Variants in ANKMY1 observed in about 807,000 individuals in gnomAD.
ANKMY1 encodes ankyrin repeat and MYND domain-containing protein 1.
In ANKMY1, 98 loss-of-function variants were observed where a neutral mutation model predicts 102.0. That is an observed-to-expected ratio of 0.96 (90% CI 0.82 to 1.14). The LOEUF is 1.14. Among genes scored for constraint, ANKMY1 ranks in the 50% most tolerant of loss-of-function variants. The pLI is 0.00. For missense variants in ANKMY1, 1,330 were observed against 1,347.6 expected, an observed-to-expected ratio of 0.99 and a Z score of 0.20; for synonymous variants, 582 against 559.9, an observed-to-expected ratio of 1.04 and a Z score of -0.56.
chr2:240,491,662 T>C (rs2076670568), intron 15 of ANKMY1, among the ~76,000 whole-genome samples: 2 of 152,230 alleles, frequency 1.3e-5, no homozygotes, highest in South Asian at 4.1e-4. Context: ...CCTTCATTTA[T>C]GAAAGATAAT....
chr2:240,536,678 A>G (rs2086837608), intron 4 of ANKMY1, among the ~76,000 whole-genome samples: 1 of 152,254 alleles, frequency 6.6e-6, no homozygotes, highest in Non-Finnish European at 1.5e-5. Flanking sequence ...TCTTCTCTAC[A>G]AGAAAATATT....
chr2:240,529,217 T>G lies in ANKMY1; in HGVS notation c.773A>C (p.Glu258Ala), dbSNP rs755642743. 10 of 1,614,092 alleles carry G rather than the reference T, an allele frequency of 6.2e-6. No individual in the cohort carries two copies. Among genetic ancestry groups the G allele is most frequent in the Non-Finnish European group, 8.5e-6 (10 of 1,180,038 alleles). The change falls in exon 5 of 18, where the codon GAA (glutamate) becomes GCA (alanine). Residue 258 changes from glutamate to alanine, a missense_variant. Physicochemically the swap from Glu to Ala is moderately radical, Grantham distance 107. Coordinates refer to ENST00000401804, the MANE Select transcript of ANKMY1 (RefSeq NM_001282771.3). The surrounding 1 kb of genome is among the most constrained non-coding windows in gnomAD (Gnocchi z 4.2). ...LLNDNLTLPPEMYVYSTNSDH... is the reference protein window; with the variant it reads ...LLNDNLTLPPAMYVYSTNSDH... Reference sequence around the variant, plus strand: ...ACTGTTGGTCGAGTAGACATACATTTCTGGAGGCAGCGTTAGGTTGTCATT... The same window carrying G: ...ACTGTTGGTCGAGTAGACATACATTGCTGGAGGCAGCGTTAGGTTGTCATT...
At chr2:240,512,291 C>T (rs1215816937) in intron 10 of ANKMY1, among the ~76,000 whole-genome samples, 1 of 152,224 alleles carries the variant, frequency 6.6e-6, no homozygotes, top group African/African-American at 2.4e-5. Flanking sequence ...CGCTCAATGG[C>T]TCCTGCTGTG....
At chr2:240,474,211 T>A in the ANKMY1 span, among the ~76,000 whole-genome samples, 1 of 149,576 alleles carries the variant, frequency 6.7e-6, no homozygotes, top group South Asian at 2.1e-4. Flanking sequence ...TTCTCCTGCC[T>A]CAGCCTCCTG....
chr2:240,509,429 A>G lies in ANKMY1; in HGVS notation c.2313T>C (p.Leu771=), dbSNP rs1368909310. 6.2e-7 allele frequency: 1 copy of G among 1,613,340 alleles called. No homozygotes were observed. The highest frequency in any genetic ancestry group is 1.3e-5 in the African/African-American group (1 of 74,872). ...NKCARDIVRL[L]LSHGANPNLL... ...GGTTAGGATTTGCTCCGTGGGATAG[A>G]AGGAGCCGGACTATGTCCCTGGCAC... The change falls in exon 12 of 18, where the codon CTT becomes CTC. Residue 771 remains leucine (L), a synonymous_variant. Transcript: ENST00000401804.
chr2:240,471,739 G>A, the ANKMY1 span, among the ~76,000 whole-genome samples: 1 of 152,200 alleles, frequency 6.6e-6, no homozygotes, highest in Non-Finnish European at 1.5e-5. Flanking sequence ...GACTCTGGTA[G>A]GAGGCTGGGA....
At chr2:240,546,297 G>A (rs1249318601) in intron 4 of ANKMY1, among the ~76,000 whole-genome samples, 1 of 150,922 alleles carries the variant, frequency 6.6e-6, no homozygotes, top group African/African-American at 2.4e-5. Context: ...ATACTTTACA[G>A]ACAAGCAAAT....
Position 240,543,539 on chromosome 2 carries a change from G to C in ANKMY1, c.480+9375C>G, listed in dbSNP as rs115798660. On this transcript the variant is annotated intron_variant, in intron 4 of 17. Coordinates refer to ENST00000401804, the MANE Select transcript of ANKMY1 (RefSeq NM_001282771.3). ...TATCTTTCTGTGAATTTTTTGATAA[G>C]TACGACTAATTTAATGTTGTTACTT... Among the ~76,000 whole-genome samples, 1,394 of 152,114 alleles carry C rather than the reference G, an allele frequency of 9.2e-3. 12 individuals carry two copies. The highest frequency in any genetic ancestry group is 0.032 in the African/African-American group (1,328 of 41,508).
chr2:240,524,133 CT>C lies in ANKMY1; in HGVS notation c.1583del (p.Lys528ArgfsTer58). ...CGCTTTCCACATGGCCAAGGCTGCC[CT>C]TCACCAACGGGGAGTCCCCCTTCAG... is the stretch of plus-strand genomic sequence containing the variant. Reference protein sequence around the residue: ...SSLKGDSPLVKGSLGHVESGL... With the variant: ...SSLKGDSPLVXGSLGHVESGL... On this transcript the variant is annotated frameshift_variant, in exon 8 of 18. Transcript: ENST00000401804. LOFTEE classifies it high-confidence loss of function. The C allele has an allele frequency of 6.2e-7, 1 of 1,614,056 alleles. No homozygotes were observed.
At chr2:240,517,777 G>A (rs1200709667) in intron 9 of ANKMY1, among the ~76,000 whole-genome samples, 1 of 152,156 alleles carries the variant, frequency 6.6e-6, no homozygotes, top group African/African-American at 2.4e-5. Context: ...CTGCACTGCA[G>A]CCTAGGTGAC....
intron 4 of ANKMY1, among the ~76,000 whole-genome samples, chr2:240,530,757 T>C (rs1004795238): frequency 5.3e-5 from 8 of 151,900 alleles, no homozygotes; most frequent in Non-Finnish European, 1.0e-4. Flanking sequence ...CACAAAAAAA[T>C]TTACAAATTG....
chr2:240,480,916 C>A, intron 17 of ANKMY1, 21 bp downstream of exon 17: 1 of 1,597,238 alleles, frequency 6.3e-7, no homozygotes. Flanking sequence ...CCCTTGCCTC[C>A]CAGCCTGAGG....
the ANKMY1 span, among the ~76,000 whole-genome samples, chr2:240,468,947 T>C: frequency 6.6e-6 from 1 of 152,164 alleles, no homozygotes; most frequent in Admixed American, 6.5e-5. Context: ...CGGTCCTCAC[T>C]TGCAGGCCCC....
chr2:240,553,740 CA>C (rs2091921220), intron 3 of ANKMY1: 1 of 152,200 alleles, frequency 6.6e-6, no homozygotes, highest in Non-Finnish European at 1.5e-5. Context: ...ACTAAAAATA[CA>C]AAAATTAGCT....
At chr2:240,518,004 T>C (rs760068866) in intron 9 of ANKMY1, among the ~76,000 whole-genome samples, 17 of 151,976 alleles carry the variant, frequency 1.1e-4, no homozygotes, top group Non-Finnish European at 2.1e-4. Context: ...GGGACACCCA[T>C]GGTGTGCAGC....
chr2:240,470,806 T>A, the ANKMY1 span, among the ~76,000 whole-genome samples: 2 of 152,262 alleles, frequency 1.3e-5, no homozygotes, highest in South Asian at 4.2e-4. Context: ...ACGTTGAAAT[T>A]CTGGAAAAAG....
At chr2:240,478,949 C>T (rs527279249), downstream of ANKMY1, among the ~76,000 whole-genome samples, 18 of 152,268 alleles carry the variant, frequency 1.2e-4, no homozygotes, top group Admixed American at 4.6e-4. Context: ...CCCCTCACTG[C>T]GCATCTTCCC....
chr2:240,522,756 T>G (rs988287700), intron 8 of ANKMY1: 10 of 152,186 alleles, frequency 6.6e-5, no homozygotes, highest in African/African-American at 2.4e-4. Flanking sequence ...TGTCGGCATG[T>G]CTTCAGGCAG....
chr2:240,495,006 G>C (rs1341451412), intron 15 of ANKMY1, among the ~76,000 whole-genome samples: 1 of 151,742 alleles, frequency 6.6e-6, no homozygotes, highest in Admixed American at 6.6e-5. Context: ...AATAATCCTC[G>C]ATCTACAATC....
Sources: allele counts gnomAD v4.1 joint callset (sites outside exome capture counted in the v4.1 genomes callset), GRCh38; gene constraint gnomAD v4.1.1; non-coding constraint Gnocchi (gnomAD v3.1); transcripts MANE v1.5; gene names NCBI Gene and HGNC (gene_info 2026-07-23, HGNC 2026-07-21).